Variants in TMEM108 observed in about 807,000 individuals in gnomAD.
TMEM108 encodes cancer/testis antigen 124.
In TMEM108, 12 loss-of-function variants were observed where a neutral mutation model predicts 35.1. The observed-to-expected ratio is 0.34, with a 90% CI of 0.22 to 0.55. The LOEUF is 0.55. TMEM108 is among the 20% of genes least tolerant of loss of function. TMEM108 has a pLI of 0.89. For missense variants in TMEM108, 680 were observed against 753.3 expected, an observed-to-expected ratio of 0.90 and a Z score of 1.14; for synonymous variants, 287 against 308.6, an observed-to-expected ratio of 0.93 and a Z score of 0.73.
intron 3 of TMEM108, among the ~76,000 whole-genome samples, chr3:133,358,922 G>A (rs1405194104): frequency 6.6e-6 from 1 of 152,092 alleles, no homozygotes; most frequent in Non-Finnish European, 1.5e-5. Flanking sequence ...AACTTATTGG[G>A]AACCTTCCCC....
At chr3:133,293,949 G>C (rs922992113) in intron 3 of TMEM108, among the ~76,000 whole-genome samples, 7 of 152,178 alleles carry the variant, frequency 4.6e-5, no homozygotes, top group Non-Finnish European at 1.0e-4. Flanking sequence ...ACACCAAGGG[G>C]AGATGTTGCA....
At chr3:133,386,476 AG>A in intron 4 of TMEM108, 1 of 1,536,078 alleles carries the variant, frequency 6.5e-7, no homozygotes, top group Non-Finnish European at 8.7e-7. Context: ...TACAGTACTC[AG>A]GGCTCCATCT....
intron 2 of TMEM108, among the ~76,000 whole-genome samples, chr3:133,201,292 T>A (rs1024893474): frequency 6.6e-6 from 1 of 151,664 alleles, no homozygotes; most frequent in Non-Finnish European, 1.5e-5. Context: ...ATTTTAGACC[T>A]CTAATTAAAA....
rs552837516 is a variant in TMEM108 at position 133,292,949 on chromosome 3, A to G, written c.40+63598A>G. Among the ~76,000 whole-genome samples the G allele has an allele frequency of 7.9e-5, 12 of 152,336 alleles. No individual in the cohort carries two copies. In the East Asian group the frequency reaches 2.3e-3, roughly 29 times the overall value. The stretch of plus-strand genomic sequence containing the variant: ...CTATCTATAAAGTTGGTATACTAGC[A>G]TGCTTTTATTTCTGAGACCAGGAAT... On this transcript the variant is annotated intron_variant, in intron 3 of 5. Coordinates refer to ENST00000321871, the MANE Select transcript of TMEM108 (RefSeq NM_023943.4).
intron 3 of TMEM108, among the ~76,000 whole-genome samples, chr3:133,377,340 T>C (rs999720461): frequency 6.6e-6 from 1 of 152,146 alleles, no homozygotes; most frequent in African/African-American, 2.4e-5. Context: ...GAATAGATTG[T>C]CTCTCTGGTG....
chr3:133,259,381 A>C (rs1478972507), intron 3 of TMEM108, among the ~76,000 whole-genome samples: 1 of 152,210 alleles, frequency 6.6e-6, no homozygotes, highest in Admixed American at 6.5e-5. Context: ...AGTGGGCAAG[A>C]CCACAGGTTC....
intron 2 of TMEM108, among the ~76,000 whole-genome samples, chr3:133,110,814 G>T (rs1944215670): frequency 6.6e-6 from 1 of 152,190 alleles, no homozygotes; most frequent in African/African-American, 2.4e-5. Flanking sequence ...TCCATTTGTT[G>T]TGTCCTCACT....
At position 133,080,956 on chromosome 3, in the gene TMEM108, G is replaced by A. The variant is rs866059169; in HGVS notation, c.-47+34936G>A. 9.2e-5 allele frequency among the ~76,000 whole-genome samples: 14 copies of A among 152,242 alleles called. No homozygotes were observed. The South Asian group carries it at 1.7e-3, about 18-fold the overall frequency. Reference sequence around the variant, plus strand: ...AGCTTCTCCTCTGGGTGGCAGAGTCGTTTGATGAAAGGAACATGAACTTTA... The same window carrying A: ...AGCTTCTCCTCTGGGTGGCAGAGTCATTTGATGAAAGGAACATGAACTTTA... On this transcript the variant is annotated intron_variant, in intron 2 of 5. Transcript: ENST00000321871.
At chr3:133,231,915 A>G (rs1234861534) in intron 3 of TMEM108, among the ~76,000 whole-genome samples, 2 of 152,158 alleles carry the variant, frequency 1.3e-5, no homozygotes, top group Non-Finnish European at 2.9e-5. Flanking sequence ...GAAGCATTAC[A>G]GATGGATAAG....
At chr3:133,066,812 C>G (rs1468371080) in intron 2 of TMEM108, among the ~76,000 whole-genome samples, 2 of 152,210 alleles carry the variant, frequency 1.3e-5, no homozygotes, top group East Asian at 3.8e-4. Context: ...TTCCCTCCCT[C>G]TCTCCCCTAC....
At chr3:133,240,270 C>T (rs1339709077) in intron 3 of TMEM108, among the ~76,000 whole-genome samples, 1 of 152,074 alleles carries the variant, frequency 6.6e-6, no homozygotes, top group East Asian at 1.9e-4. Context: ...GTGACTCTTT[C>T]CAAGATGATA....
intron 3 of TMEM108, among the ~76,000 whole-genome samples, chr3:133,260,152 G>A (rs752852273): frequency 2.6e-5 from 4 of 151,986 alleles, no homozygotes; most frequent in Non-Finnish European, 4.4e-5. Context: ...TGACTGTTTG[G>A]GTCTTCTTTT....
intron 3 of TMEM108, among the ~76,000 whole-genome samples, chr3:133,337,661 A>C (rs2071537293): frequency 6.6e-6 from 1 of 152,184 alleles, no homozygotes; most frequent in Non-Finnish European, 1.5e-5. Context: ...CATCAACAAG[A>C]ATCAAGATCA....
chr3:133,052,070 C>G (rs1181945150), intron 2 of TMEM108, among the ~76,000 whole-genome samples: 1 of 152,112 alleles, frequency 6.6e-6, no homozygotes, highest in African/African-American at 2.4e-5. Flanking sequence ...GTTGATTCTA[C>G]AGATCGAATT....
rs543330433 is a variant in TMEM108 at position 133,167,560 on chromosome 3, C to T, written c.-46-61706C>T. Among the ~76,000 whole-genome samples the T allele has an allele frequency of 9.2e-5, 14 of 152,338 alleles. No individual in the cohort carries two copies. The South Asian group carries it at 1.4e-3, about 16-fold the overall frequency. The stretch of plus-strand genomic sequence containing the variant: ...CCGCGGGGAGGCGGCTGAAGCCCAG[C>T]GAGAATTCGAGCATGGCACGGGTGG... On this transcript the variant is annotated intron_variant, in intron 2 of 5. Transcript: ENST00000321871.
chr3:133,323,589 G>A (rs1472771273), intron 3 of TMEM108, among the ~76,000 whole-genome samples: 1 of 152,074 alleles, frequency 6.6e-6, no homozygotes, highest in African/African-American at 2.4e-5. Context: ...TTGTGAAAAT[G>A]ACCATAATGC....
intron 2 of TMEM108, among the ~76,000 whole-genome samples, chr3:133,117,859 C>G (rs1383142288): frequency 1.3e-5 from 2 of 152,164 alleles, no homozygotes; most frequent in East Asian, 3.9e-4. Context: ...TTGAACAGTT[C>G]CCGTTGCTTT....
At chr3:133,271,878 A>G (rs377452224) in intron 3 of TMEM108, among the ~76,000 whole-genome samples, 4 of 152,192 alleles carry the variant, frequency 2.6e-5, no homozygotes, top group Non-Finnish European at 4.4e-5. Flanking sequence ...CTGGGCTTGT[A>G]TCAACAAGGC....
At chr3:133,049,141 G>A (rs937952282) in intron 2 of TMEM108, among the ~76,000 whole-genome samples, 9 of 152,184 alleles carry the variant, frequency 5.9e-5, no homozygotes, top group Non-Finnish European at 1.2e-4. Flanking sequence ...GGAGGGCGCA[G>A]ATAAAGTATT....
Sources: allele counts gnomAD v4.1 joint callset (sites outside exome capture counted in the v4.1 genomes callset), GRCh38; gene constraint gnomAD v4.1.1; transcripts MANE v1.5; gene names NCBI Gene and HGNC (gene_info 2026-07-23, HGNC 2026-07-21).